TRPC5: variants seen among roughly 807,000 people sequenced by gnomAD.
TRPC5 encodes transient receptor potential cation channel subfamily C member 5, also known as short transient receptor potential channel 5.
Under a neutral mutation model 56.5 loss-of-function variants are expected in TRPC5, and 9 were observed. The observed-to-expected ratio is 0.16, with a 90% confidence interval of 0.10 to 0.28. The LOEUF is 0.28. Ranked by LOEUF, TRPC5 falls within the 10% of genes least tolerant of loss-of-function variation. The pLI is 1.00. For missense variants in TRPC5, 469 were observed against 748.9 expected, an observed-to-expected ratio of 0.63 and a Z score of 4.36; for synonymous variants, 282 against 278.5, an observed-to-expected ratio of 1.01 and a Z score of -0.13.
intron 1 of TRPC5, among the ~76,000 whole-genome samples, chrX:112,018,207 A>G (rs1355138377): frequency 1.8e-5 from 2 of 112,498 alleles, no homozygotes; most frequent in Non-Finnish European, 3.7e-5. Context: ...CAGCTCCATG[A>G]GGGCAGAAAC....
intron 1 of TRPC5, among the ~76,000 whole-genome samples, chrX:111,996,455 A>G (rs1316866403): frequency 1.8e-5 from 2 of 111,946 alleles, no homozygotes; most frequent in African/African-American, 6.5e-5. Flanking sequence ...AAGAATGTAT[A>G]TTCTGTTGAT....
intron 1 of TRPC5, among the ~76,000 whole-genome samples, chrX:112,020,035 G>A (rs182324843): frequency 2.7e-5 from 3 of 111,664 alleles, no homozygotes; most frequent in African/African-American, 9.7e-5. Flanking sequence ...ATTCATCCTC[G>A]CATTCGTATC....
intron 1 of TRPC5, among the ~76,000 whole-genome samples, chrX:111,998,685 A>T (rs892837630): frequency 8.9e-6 from 1 of 111,829 alleles, no homozygotes; most frequent in Non-Finnish European, 1.9e-5. Flanking sequence ...TCAGAAATAC[A>T]GTATTCACAG....
chrX:111,823,283 G>T (rs1362743108), intron 7 of TRPC5, among the ~76,000 whole-genome samples: 1 of 111,719 alleles, frequency 9.0e-6, no homozygotes, highest in East Asian at 2.8e-4. Flanking sequence ...CAGGCAGAAT[G>T]GGGGAGGTCT....
At chrX:111,795,228 A>C (rs1459400950) in intron 7 of TRPC5, among the ~76,000 whole-genome samples, 1 of 111,258 alleles carries the variant, frequency 9.0e-6, no homozygotes, top group Non-Finnish European at 1.9e-5. Flanking sequence ...GATTTTAGAC[A>C]AAAAACCTTC....
At position 111,769,766 on chromosome X, in the gene TRPC5, TTTTG is replaced by T. The variant is rs1266532370; in HGVS notation, c.*6543_*6546del. Among the ~76,000 whole-genome samples, 4 of 111,966 alleles carry T rather than the reference TTTTG, an allele frequency of 3.6e-5. No individual in the cohort carries two copies. Among genetic ancestry groups the T allele is most frequent in the African/African-American group, 9.7e-5 (3 of 30,850 alleles). ...TTGTGTAGTAGCACTTGAAAATGTT[TTTTG>T]TTTGTTCGTTTGTTTGTTTTTAACC... is the stretch of plus-strand genomic sequence containing the variant. On this transcript the variant is annotated 3_prime_UTR_variant, in exon 11 of 11. Transcript: ENST00000262839.
intron 1 of TRPC5, among the ~76,000 whole-genome samples, chrX:112,070,748 TG>T (rs1261514980): frequency 9.6e-6 from 1 of 104,137 alleles, no homozygotes; most frequent in East Asian, 2.9e-4. Context: ...AACTGAAAAC[TG>T]CCCCCCCCCA....
chrX:111,998,925 A>AT (rs1928621312), intron 1 of TRPC5, among the ~76,000 whole-genome samples: 1 of 111,739 alleles, frequency 8.9e-6, no homozygotes, highest in Non-Finnish European at 1.9e-5. Context: ...ACTATAAGTT[A>AT]TTTATTTTAT....
At chrX:111,854,272 G>A (rs1338751934) in intron 3 of TRPC5, among the ~76,000 whole-genome samples, 166 bp from the exon 4 acceptor site, 1 of 111,576 alleles carries the variant, frequency 9.0e-6, no homozygotes, top group East Asian at 2.8e-4. Flanking sequence ...CCCCGGAGAC[G>A]GCTCTTCATG....
intron 1 of TRPC5, among the ~76,000 whole-genome samples, chrX:111,964,568 G>C (rs754723427): frequency 1.0e-3 from 115 of 112,066 alleles, no homozygotes; most frequent in African/African-American, 2.8e-3. Context: ...TAAGGGCAGC[G>C]AGAGAGAAAG....
At chrX:111,841,425 G>A (rs367828467) in intron 6 of TRPC5, among the ~76,000 whole-genome samples, 17 of 111,391 alleles carry the variant, frequency 1.5e-4, no homozygotes, top group Admixed American at 1.1e-3. Context: ...TATGCAACTC[G>A]GGACAGCCTG....
chrX:111,799,722 T>C (rs1370246695), intron 7 of TRPC5, among the ~76,000 whole-genome samples: 2 of 110,751 alleles, frequency 1.8e-5, no homozygotes, highest in African/African-American at 3.3e-5. Flanking sequence ...ACAGGATTTA[T>C]GACAGAGCCA....
intron 3 of TRPC5, among the ~76,000 whole-genome samples, chrX:111,859,658 TAC>T (rs1283808295): frequency 2.7e-5 from 3 of 112,279 alleles, no homozygotes; most frequent in Non-Finnish European, 5.6e-5. Flanking sequence ...ATTCTTTACT[TAC>T]TACAGATCAG....
At chrX:111,905,715 C>A (rs1244773932) in intron 3 of TRPC5, among the ~76,000 whole-genome samples, 1 of 108,638 alleles carries the variant, frequency 9.2e-6, no homozygotes, top group Non-Finnish European at 1.9e-5. Context: ...GAGATGGAGA[C>A]CATCCTGGCT....
intron 5 of TRPC5, among the ~76,000 whole-genome samples, chrX:111,848,673 A>C (rs1163252089): frequency 2.7e-5 from 3 of 112,455 alleles, no homozygotes; most frequent in Admixed American, 9.4e-5. Flanking sequence ...TGCGTTTAAA[A>C]TCACTTGTGT....
At chrX:111,784,019 G>C (rs1254363608) in intron 7 of TRPC5, among the ~76,000 whole-genome samples, 1 of 111,526 alleles carries the variant, frequency 9.0e-6, no homozygotes, top group East Asian at 2.8e-4. Flanking sequence ...CAATTTGTTG[G>C]ACAACTCTCA....
intron 7 of TRPC5, among the ~76,000 whole-genome samples, chrX:111,824,248 AAAT>A (rs1182912957): frequency 8.5e-5 from 9 of 106,030 alleles, no homozygotes; most frequent in African/African-American, 3.3e-4. Context: ...AAAAAAAAAA[AAAT>A]GTGTACCCTT....
chrX:111,824,898 A>G (rs955367313), intron 7 of TRPC5, among the ~76,000 whole-genome samples: 5 of 111,577 alleles, frequency 4.5e-5, no homozygotes, highest in African/African-American at 1.6e-4. Flanking sequence ...CACTAGGCCA[A>G]TCCCCGCTGG....
chrX:111,852,579 T>C, intron 4 of TRPC5, 142 bp from the exon 5 acceptor site: 1 of 667,984 alleles, frequency 1.5e-6, no homozygotes, highest in South Asian at 5.2e-5. Flanking sequence ...GAGACAATAA[T>C]CACTTGCTTT....
Sources: allele counts gnomAD v4.1 joint callset (sites outside exome capture counted in the v4.1 genomes callset), GRCh38; gene constraint gnomAD v4.1.1; transcripts MANE v1.5; gene names NCBI Gene and HGNC (gene_info 2026-07-23, HGNC 2026-07-21).